The following PTPN18 variants were observed in gnomAD, a reference collection of about 807,000 sequenced individuals.
The protein encoded by PTPN18 is tyrosine-protein phosphatase non-receptor type 18.
PTPN18 carries 65 observed loss-of-function variants against 65.4 expected under a neutral mutation model. The ratio of observed to expected loss-of-function variants is 0.99; its 90% confidence interval spans 0.81 to 1.22. PTPN18 has a LOEUF of 1.22. PTPN18 is among the 50% of genes most tolerant of loss of function. The probability of loss-of-function intolerance (pLI) is 0.00; values close to 1 mark genes in which losing one functional copy is unlikely to be tolerated. For missense variants in PTPN18, 616 were observed against 646.5 expected (o/e 0.95, Z 0.51); for synonymous variants, 255 against 267.8 (o/e 0.95, Z 0.47).
intron 5 of PTPN18, chr2:130,362,034 C>T (rs1680233264): frequency 9.2e-6 from 4 of 433,732 alleles, no homozygotes; most frequent in Non-Finnish European, 1.9e-5. Context: ...GTGGTGCAAT[C>T]ATAGTTCACT....
intron 1 of PTPN18, among the ~76,000 whole-genome samples, chr2:130,357,652 C>T (rs1680027962): frequency 2.0e-5 from 3 of 152,066 alleles, no homozygotes; most frequent in Non-Finnish European, 4.4e-5. Context: ...GTCAGGAGAT[C>T]CACACCATCC....
chr2:130,374,860 A>G lies in PTPN18; in HGVS notation c.*1636A>G. ...CTCCACTCTCCTGCAGCCTTCAATC[A>G]AGGAATGATGGGGATGTGTACATAC... On this transcript the variant is annotated 3_prime_UTR_variant, in exon 15 of 15. Transcript: ENST00000175756. 2.8e-6 allele frequency: 1 copy of G among 360,856 alleles called. No individual in the cohort carries two copies. Among genetic ancestry groups the G allele is most frequent in the East Asian group, 7.4e-5 (1 of 13,432 alleles). The allele number at this position is 360,856 out of a possible 1,614,324, so 22.4% of individuals were successfully genotyped here. A position where few individuals can be genotyped will look rare whatever the true frequency, so the allele number is the denominator to read the frequency against.
chr2:130,362,392 CTGTT>C (rs1252274821), intron 5 of PTPN18: 7 of 259,464 alleles, frequency 2.7e-5, no homozygotes, highest in South Asian at 2.0e-4. Context: ...TCTATTTGCT[CTGTT>C]TGTTCTTTTC....
At chr2:130,368,356 CT>C (rs1458708505) in intron 5 of PTPN18, among the ~76,000 whole-genome samples, 1 of 152,150 alleles carries the variant, frequency 6.6e-6, no homozygotes, top group African/African-American at 2.4e-5. Context: ...TTTTCAGGAA[CT>C]TTTGGATGGT....
intron 3 of PTPN18, 31 bp downstream of exon 3, chr2:130,359,340 C>G: frequency 6.2e-7 from 1 of 1,614,020 alleles, no homozygotes; most frequent in Non-Finnish European, 8.5e-7. Flanking sequence ...AGGAGGTGGA[C>G]TGGGAGTGGC....
chr2:130,373,112 C>CACCTCAGCTTCTCCAT lies in PTPN18; in HGVS notation c.1316-44_1316-29dup. On this transcript the variant is annotated intron_variant, in intron 14 of 14. Transcript: ENST00000175756. This position sits in a 1 kb window ranked among gnomAD's most constrained non-coding sequence, Gnocchi z 4.1. The stretch of plus-strand genomic sequence containing the variant: ...TTCTTCATGTCTGCCAGCTTCCACA[C>CACCTCAGCTTCTCCAT]ACCTCAGCTTCTCCATGAGACCCAC... 6.4e-7 allele frequency: 1 copy of CACCTCAGCTTCTCCAT among 1,555,174 alleles called. No individual in the cohort carries two copies. The highest frequency in any genetic ancestry group is 8.7e-7 in the Non-Finnish European group (1 of 1,146,696).
rs1236854651 is a variant in PTPN18, at chr2:130,372,263, C to T, written c.1020C>T (p.Ile340=). 7 of 1,572,870 alleles carry T rather than the reference C, an allele frequency of 4.5e-6. No homozygotes were observed. The highest frequency in any genetic ancestry group is 2.8e-5 in the African/African-American group (2 of 72,268). ...CGGCCCTCCCTGCCTGCAGGAGCAT[C>T]TCTGTGCCCGGGTCCCCGGGCCACG... The part of the protein sequence containing the change: ...PRPPGGVLRS[I]SVPGSPGHAM... Residue 340 remains isoleucine, a synonymous_variant, in exon 13 of 15, where the codon ATC becomes ATT. Coordinates refer to ENST00000175756, the MANE Select transcript of PTPN18 (RefSeq NM_014369.4).
intron 12 of PTPN18, 163 bp downstream of exon 12, chr2:130,371,450 C>T (rs1208816530): frequency 1.6e-6 from 1 of 640,934 alleles, no homozygotes; most frequent in African/African-American, 1.8e-5. Context: ...TTCAATTATC[C>T]CAAGATGATT....
intron 5 of PTPN18, among the ~76,000 whole-genome samples, chr2:130,362,901 C>G (rs1275447631): frequency 6.6e-6 from 1 of 152,044 alleles, no homozygotes; most frequent in Admixed American, 6.5e-5. Context: ...CTCGCTGCAA[C>G]CTCCGCCTCC....
In PTPN18 at chr2:130,359,499, A is replaced by C; in HGVS notation, c.375+7A>C. 6.2e-7 allele frequency: 1 copy of C among 1,614,050 alleles called. No homozygotes were observed. The highest frequency in any genetic ancestry group is 8.5e-7 in the Non-Finnish European group (1 of 1,179,946). ...CTGGGAGTTTGGGGTCAAGGTCAGCACTTGGGGGTGCGGCACAATGGTGGG... is the reference window on the plus strand; with the variant it reads ...CTGGGAGTTTGGGGTCAAGGTCAGCCCTTGGGGGTGCGGCACAATGGTGGG... On this transcript the variant is annotated splice_region_variant and intron_variant, in intron 4 of 14. Coordinates refer to ENST00000175756, the MANE Select transcript of PTPN18 (RefSeq NM_014369.4).
At chr2:130,371,546 G>A (rs1680565918) in intron 12 of PTPN18, among the ~76,000 whole-genome samples, 1 of 152,136 alleles carries the variant, frequency 6.6e-6, no homozygotes, top group Non-Finnish European at 1.5e-5. Flanking sequence ...CCTTAATTCA[G>A]GTGGCTCACC....
intron 1 of PTPN18, 109 bp from the exon 2 acceptor site, chr2:130,358,758 C>A: frequency 1.2e-6 from 1 of 838,682 alleles, no homozygotes; most frequent in Admixed American, 2.1e-5. Flanking sequence ...ACTCACCTCC[C>A]CAGGCCACTG....
chr2:130,374,781 C>T lies in PTPN18; in HGVS notation c.*1557C>T, dbSNP rs886476387. 1 of 446,618 alleles carries T rather than the reference C, an allele frequency of 2.2e-6. No individual in the cohort carries two copies. Among genetic ancestry groups the T allele is most frequent in the African/African-American group, 2.0e-5 (1 of 49,536 alleles). The allele number at this position is 446,618 out of a possible 1,614,324, so 27.7% of individuals were successfully genotyped here. A position where few individuals can be genotyped will look rare whatever the true frequency, so the allele number is the denominator to read the frequency against. ...CCTTCTCTGGGATAGGGCTGGCCTT[C>T]CTCTGCCTCTGCCTGGCTGCATCCA... is the stretch of plus-strand genomic sequence containing the variant. On this transcript the variant is annotated 3_prime_UTR_variant, in exon 15 of 15. Transcript: ENST00000175756.
rs1484446010 is a variant in PTPN18 at position 130,374,256 on chromosome 2, C to T, written c.*1032C>T. 2.0e-5 allele frequency: 4 copies of T among 201,126 alleles called. No homozygotes were observed. The highest frequency in any genetic ancestry group is 4.1e-5 in the Non-Finnish European group (4 of 96,404). 12.5% of individuals were successfully genotyped at this position (201,126 alleles called of 1,614,324 possible). ...CCTATCTAGGCAGACCCCAGCCAGA[C>T]CCCCGCCAGACAGACTCCCAACCAG... On this transcript the variant is annotated 3_prime_UTR_variant, in exon 15 of 15. Coordinates refer to ENST00000175756, the MANE Select transcript of PTPN18 (RefSeq NM_014369.4).
chr2:130,362,477 A>G (rs1680247969), intron 5 of PTPN18: 2 of 192,482 alleles, frequency 1.0e-5, no homozygotes, highest in South Asian at 1.5e-4. Flanking sequence ...CTTATTAGCT[A>G]TACATCTTTA....
At chr2:130,370,994 C>CCACCATCAG (rs1680545504) in intron 11 of PTPN18, 30 bp downstream of exon 11, 1 of 1,598,672 alleles carries the variant, frequency 6.3e-7, no homozygotes. Flanking sequence ...ACTCTCCTGT[C>CCACCATCAG]CACCATCAGC....
At chr2:130,359,057 C>A in intron 2 of PTPN18, 82 bp downstream of exon 2, 1 of 1,486,960 alleles carries the variant, frequency 6.7e-7, no homozygotes, top group Non-Finnish European at 9.3e-7. Context: ...TGGAGTCACC[C>A]ACTGTGCTCT....
At position 130,374,312 on chromosome 2, in the gene PTPN18, G is replaced by C. The variant is rs376175353; in HGVS notation, c.*1088G>C. The stretch of plus-strand genomic sequence containing the variant: ...CCCCTTACTATTCACACAGCCTGCC[G>C]AGTAGCTGGGACTACAGGTCTAATT... On this transcript the variant is annotated 3_prime_UTR_variant, in exon 15 of 15. Transcript: ENST00000175756. 8.3e-6 allele frequency: 2 copies of C among 240,656 alleles called. No homozygotes were observed. The highest frequency in any genetic ancestry group is 4.5e-5 in the African/African-American group (2 of 44,478). The allele number at this position is 240,656 out of a possible 1,614,324, so 14.9% of individuals were successfully genotyped here. A position where few individuals can be genotyped will look rare whatever the true frequency, so the allele number is the denominator to read the frequency against.
chr2:130,369,948 G>T, intron 7 of PTPN18, 100 bp from the exon 8 acceptor site: 2 of 1,549,226 alleles, frequency 1.3e-6, no homozygotes, highest in Non-Finnish European at 1.8e-6. Flanking sequence ...AGACATAAAT[G>T]GAAGATGCCT....
Sources: allele counts gnomAD v4.1 joint callset (sites outside exome capture counted in the v4.1 genomes callset), GRCh38; gene constraint gnomAD v4.1.1; non-coding constraint Gnocchi (gnomAD v3.1); transcripts MANE v1.5; gene names NCBI Gene and HGNC (gene_info 2026-07-23, HGNC 2026-07-21).